Variants in TENM4 observed in about 807,000 individuals in gnomAD.
TENM4 encodes teneurin-4.
Under a neutral mutation model 243.3 loss-of-function variants are expected in TENM4, and 82 were observed. The ratio of observed to expected loss-of-function variants is 0.34; its 90% CI spans 0.28 to 0.40. The LOEUF (loss-of-function observed/expected upper bound fraction) is 0.40. Ranked by LOEUF, TENM4 falls within the 10% of genes least tolerant of loss-of-function variation. TENM4 has a pLI of 1.00. For missense variants in TENM4, 3,138 were observed against 3,673.3 expected (o/e 0.85, Z 3.77); for synonymous variants, 1,412 against 1,456.3 (o/e 0.97, Z 0.69).
chr11:79,393,751 C>T (rs987175448), intron 1 of TENM4, among the ~76,000 whole-genome samples: 1 of 152,196 alleles, frequency 6.6e-6, no homozygotes, highest in African/African-American at 2.4e-5. Flanking sequence ...TTGTGTCATA[C>T]ACAAATGTGA....
At chr11:78,880,160 C>A (rs1187251633) in intron 9 of TENM4, among the ~76,000 whole-genome samples, 1 of 152,176 alleles carries the variant, frequency 6.6e-6, no homozygotes, top group Non-Finnish European at 1.5e-5. Flanking sequence ...TTACCCCCAA[C>A]CCCGTGCTCT....
chr11:79,161,291 C>T (rs980469624), intron 3 of TENM4, among the ~76,000 whole-genome samples: 2 of 152,336 alleles, frequency 1.3e-5, no homozygotes, highest in South Asian at 2.1e-4. Context: ...CTTATGGGAA[C>T]ACTCTTGCCT....
chr11:79,339,602 G>T (rs1857209090), intron 1 of TENM4, among the ~76,000 whole-genome samples: 1 of 151,902 alleles, frequency 6.6e-6, no homozygotes, highest in Non-Finnish European at 1.5e-5. Context: ...TTTTACAGAT[G>T]AAGAAGCTGA....
chr11:78,709,094 G>C (rs113281043), intron 26 of TENM4, among the ~76,000 whole-genome samples: 2,314 of 146,626 alleles, frequency 0.016, 63 homozygotes, highest in African/African-American at 0.056. Context: ...TAGCCTCCCA[G>C]TTAGCTGGGA....
At chr11:79,346,445 G>A (rs1477754602) in intron 1 of TENM4, among the ~76,000 whole-genome samples, 2 of 152,022 alleles carry the variant, frequency 1.3e-5, no homozygotes, top group Admixed American at 6.5e-5. Flanking sequence ...CTGCAGCAGC[G>A]GTAGCCTTAG....
At chr11:79,075,134 C>A (rs1860508431) in intron 4 of TENM4, among the ~76,000 whole-genome samples, 1 of 152,206 alleles carries the variant, frequency 6.6e-6, no homozygotes, top group Non-Finnish European at 1.5e-5. Context: ...TCAGGGTTTG[C>A]CATAGGCCAG....
chr11:79,278,197 A>G (rs989661082), intron 2 of TENM4, among the ~76,000 whole-genome samples: 4 of 152,152 alleles, frequency 2.6e-5, no homozygotes, highest in Admixed American at 2.0e-4. Flanking sequence ...TCCGATGAGG[A>G]TTCAAGGCAG....
intron 7 of TENM4, among the ~76,000 whole-genome samples, chr11:78,892,005 C>T (rs1855679494): frequency 6.6e-6 from 1 of 152,198 alleles, no homozygotes; most frequent in South Asian, 2.1e-4. Context: ...GTATTTCTCC[C>T]AGGCCCCCAG....
intron 1 of TENM4, among the ~76,000 whole-genome samples, chr11:79,332,640 G>T (rs1286416277): frequency 6.6e-6 from 1 of 152,120 alleles, no homozygotes; most frequent in Non-Finnish European, 1.5e-5. Context: ...ATTTTGTTTG[G>T]ATATCCAATG....
chr11:79,040,396 C>T (rs1859490444), intron 6 of TENM4, among the ~76,000 whole-genome samples: 1 of 152,224 alleles, frequency 6.6e-6, no homozygotes, highest in African/African-American at 2.4e-5. Context: ...GAGCAGCCAG[C>T]CTCCAGGAGC....
chr11:78,903,744 C>G, intron 6 of TENM4: 1 of 763,912 alleles, frequency 1.3e-6, no homozygotes, highest in Non-Finnish European at 2.3e-6. Context: ...ATTCCCGTCC[C>G]CACTGAGCTT....
chr11:78,997,829 C>G (rs555873315), intron 6 of TENM4, among the ~76,000 whole-genome samples: 2 of 152,198 alleles, frequency 1.3e-5, no homozygotes, highest in African/African-American at 4.8e-5. Context: ...GAAGGTAGAG[C>G]CTTTTTAGGA....
At chr11:79,337,000 C>A (rs1295107136) in intron 1 of TENM4, among the ~76,000 whole-genome samples, 3 of 152,236 alleles carry the variant, frequency 2.0e-5, no homozygotes, top group African/African-American at 4.8e-5. Flanking sequence ...TCTCCCCAGG[C>A]CCCAGGGAAA....
chr11:78,708,356 C>T lies in TENM4; in HGVS notation c.4209+5G>A. On this transcript the variant is annotated splice_donor_5th_base_variant and intron_variant, in intron 27 of 33. Coordinates refer to ENST00000278550, the MANE Select transcript of TENM4 (RefSeq NM_001098816.3). ...CCAGGGCTTTGGTAGATGAAGCCATCTTACCTGGGAAATATCCATGACAGA... is the reference window on the plus strand; with the variant it reads ...CCAGGGCTTTGGTAGATGAAGCCATTTTACCTGGGAAATATCCATGACAGA... The T allele has an allele frequency of 6.2e-7, 1 of 1,613,920 alleles. No homozygotes were observed. The highest frequency in any genetic ancestry group is 8.5e-7 in the Non-Finnish European group (1 of 1,179,832).
chr11:79,201,875 A>C lies in TENM4; in HGVS notation c.-163+13933T>G, dbSNP rs183265040. Among the ~76,000 whole-genome samples, 548 of 152,316 alleles carry C rather than the reference A, an allele frequency of 3.6e-3. 8 individuals carry two copies. The South Asian group carries it at 0.041, about 11-fold the overall frequency. On this transcript the variant is annotated intron_variant, in intron 3 of 33. Transcript: ENST00000278550. ...GAGTCATCAAGAGGTGCTAGGCTAG[A>C]GGCAGAGAGGCAGGGAGACACTGGG...
chr11:79,316,863 G>A (rs542470176), intron 1 of TENM4, among the ~76,000 whole-genome samples: 2 of 152,302 alleles, frequency 1.3e-5, no homozygotes, highest in African/African-American at 4.8e-5. Flanking sequence ...AAAGAAATAA[G>A]CAGAGGTCTC....
intron 6 of TENM4, among the ~76,000 whole-genome samples, chr11:78,978,107 G>A (rs1391771900): frequency 6.6e-6 from 1 of 151,990 alleles, no homozygotes; most frequent in East Asian, 1.9e-4. Context: ...CACAGGAACA[G>A]AAAACCAAAC....
intron 6 of TENM4, among the ~76,000 whole-genome samples, chr11:78,999,973 A>G: frequency 6.6e-6 from 1 of 152,374 alleles, no homozygotes; most frequent in East Asian, 1.9e-4. Flanking sequence ...ACACATCATA[A>G]ACTGTTGAAA....
chr11:79,126,092 AG>A (rs1379204085), intron 4 of TENM4, among the ~76,000 whole-genome samples: 4 of 152,214 alleles, frequency 2.6e-5, no homozygotes, highest in African/African-American at 4.8e-5. Context: ...GAATTAAAAA[AG>A]GTTCTAATAG....
Sources: gnomAD v4.1 joint callset for allele counts (sites outside exome capture counted in the v4.1 genomes callset) on GRCh38, gnomAD v4.1.1 for gene constraint, MANE v1.5 for transcripts, NCBI Gene and HGNC (gene_info 2026-07-23, HGNC 2026-07-21) for gene names.